TNRC6C: variants seen among roughly 807,000 people sequenced by gnomAD.
TNRC6C encodes trinucleotide repeat containing adaptor 6C.
A neutral mutation model predicts 153.7 loss-of-function variants in TNRC6C; 20 were observed. The observed-to-expected ratio is 0.13, with a 90% CI of 0.09 to 0.19. The LOEUF is 0.19. Ranked by LOEUF, TNRC6C falls within the 10% of genes least tolerant of loss-of-function variation. TNRC6C has a pLI of 1.00. For missense variants in TNRC6C, 1,987 were observed against 2,172.0 expected, an observed-to-expected ratio of 0.91 and a Z score of 1.69; for synonymous variants, 811 against 841.4, an observed-to-expected ratio of 0.96 and a Z score of 0.63.
rs367657489 is a variant in TNRC6C, at chr17:78,078,278, G to A, written c.3210+944G>A. ...TTCACAGCTGTTAGCTTTGCAGAAG[G>A]GGTTCTCTCCCAGTGCCTCTCAGGC... On this transcript the variant is annotated intron_variant, in intron 9 of 19. Coordinates refer to ENST00000301624, the Ensembl canonical transcript of TNRC6C. Among the ~76,000 whole-genome samples the A allele has an allele frequency of 3.3e-5, 5 of 152,186 alleles. No individual in the cohort carries two copies. The East Asian group carries it at 9.6e-4, about 29-fold the overall frequency.
At chr17:77,972,497 G>A (rs539268369) in intron 1 of TNRC6C, among the ~76,000 whole-genome samples, 2 of 150,710 alleles carry the variant, frequency 1.3e-5, no homozygotes, top group South Asian at 4.2e-4. Flanking sequence ...GGAAGACAGA[G>A]CAAGACTCTG....
chr17:78,067,357 C>G (rs1301973102), intron 4 of TNRC6C, among the ~76,000 whole-genome samples: 1 of 152,010 alleles, frequency 6.6e-6, no homozygotes, highest in Non-Finnish European at 1.5e-5. Flanking sequence ...AAGAAAAAAA[C>G]CTACAAATTT....
At chr17:78,069,998 T>C (rs2072961036) in intron 5 of TNRC6C, among the ~76,000 whole-genome samples, 1 of 152,244 alleles carries the variant, frequency 6.6e-6, no homozygotes, top group African/African-American at 2.4e-5. Context: ...ATGAAAACTT[T>C]CTTTATACCT....
chr17:78,088,002 G>C (rs1047717167), intron 13 of TNRC6C, among the ~76,000 whole-genome samples: 5 of 152,208 alleles, frequency 3.3e-5, no homozygotes, highest in African/African-American at 9.7e-5. Context: ...AGAGTCTGTA[G>C]ATACAGGACA....
intron 1 of TNRC6C, among the ~76,000 whole-genome samples, chr17:77,991,503 A>T (rs1246055001): frequency 5.9e-5 from 9 of 152,226 alleles, no homozygotes; most frequent in Non-Finnish European, 1.3e-4. Context: ...GAATGTGAAC[A>T]GAAATAATAC....
intron 18 of TNRC6C, 41 bp from the exon 22 acceptor site, chr17:78,103,373 C>G (rs2073632473): frequency 1.9e-6 from 3 of 1,605,936 alleles, no homozygotes; most frequent in Non-Finnish European, 2.6e-6. Flanking sequence ...TGAAAGAAAT[C>G]AGAAGAAAGC....
At chr17:77,984,429 A>G (rs1228962897) in intron 1 of TNRC6C, among the ~76,000 whole-genome samples, 1 of 151,952 alleles carries the variant, frequency 6.6e-6, no homozygotes, top group African/African-American at 2.4e-5. Context: ...TCCAGAGGCT[A>G]AGGTGGGAGG....
intron 19 of TNRC6C, among the ~76,000 whole-genome samples, chr17:78,103,921 CGTA>C (rs1278980905): frequency 6.6e-6 from 1 of 152,206 alleles, no homozygotes. Context: ...CATCTCCAAA[CGTA>C]GTCACATGGG....
At chr17:78,069,018 C>T (rs1230931866) in intron 5 of TNRC6C, among the ~76,000 whole-genome samples, 1 of 151,902 alleles carries the variant, frequency 6.6e-6, no homozygotes, top group African/African-American at 2.4e-5. Context: ...TCAGAGAGGC[C>T]TAACTATGAC....
chr17:78,090,618 C>A (rs780880829), intron 13 of TNRC6C, among the ~76,000 whole-genome samples: 56 of 152,170 alleles, frequency 3.7e-4, no homozygotes, highest in Non-Finnish European at 7.8e-4. Flanking sequence ...TTACTTCAAC[C>A]TTCTTTTCAT....
chr17:77,975,060 AAAT>A (rs1401273333), intron 1 of TNRC6C, among the ~76,000 whole-genome samples: 2 of 152,266 alleles, frequency 1.3e-5, no homozygotes, highest in Non-Finnish European at 2.9e-5. Flanking sequence ...GAGAAAACTT[AAAT>A]ATGATACTGA....
chr17:78,043,481 T>A (rs2072342173), intron 2 of TNRC6C, among the ~76,000 whole-genome samples: 1 of 152,226 alleles, frequency 6.6e-6, no homozygotes, highest in Non-Finnish European at 1.5e-5. Context: ...ATGGGTTACA[T>A]GAGATATTTT....
intron 1 of TNRC6C, among the ~76,000 whole-genome samples, chr17:78,025,060 G>A (rs1318596976): frequency 6.6e-6 from 1 of 152,048 alleles, no homozygotes; most frequent in African/African-American, 2.4e-5. Flanking sequence ...CGAAGTGCTG[G>A]GATTACAGGC....
intron 1 of TNRC6C, among the ~76,000 whole-genome samples, chr17:77,980,974 G>GT (rs1361342248): frequency 2.0e-5 from 3 of 152,078 alleles, no homozygotes; most frequent in African/African-American, 7.2e-5. Context: ...GTTTTGTTAT[G>GT]TTTTTTGGTT....
At chr17:78,038,014 G>C (rs774960614) in intron 2 of TNRC6C, among the ~76,000 whole-genome samples, 12 of 152,160 alleles carry the variant, frequency 7.9e-5, no homozygotes, top group Non-Finnish European at 1.6e-4. Flanking sequence ...GAGAGTTGCA[G>C]ATCACTGAGA....
chr17:78,078,881 A>G (rs1483259013), intron 9 of TNRC6C, among the ~76,000 whole-genome samples: 2 of 152,288 alleles, frequency 1.3e-5, no homozygotes, highest in East Asian at 1.9e-4. Flanking sequence ...TCACAAGGTC[A>G]GGAGTTCAAG....
In TNRC6C at chr17:78,033,445, G is replaced by A. The variant is rs552569643; in HGVS notation, c.-219+1603G>A. Among the ~76,000 whole-genome samples, 14 of 152,256 alleles carry A rather than the reference G, an allele frequency of 9.2e-5. No individual in the cohort carries two copies. In the South Asian group the frequency reaches 2.3e-3, roughly 25 times the overall value. ...AGCACTTTGGGAAGCCAAGGTGGGC[G>A]GATCACCTGAGGTCGAGAGTTCGAG... On this transcript the variant is annotated intron_variant, in intron 2 of 19. Transcript: ENST00000301624.
At chr17:78,052,170 C>T (rs965265413) in intron 3 of TNRC6C, among the ~76,000 whole-genome samples, 1 of 152,226 alleles carries the variant, frequency 6.6e-6, no homozygotes, top group Non-Finnish European at 1.5e-5. Flanking sequence ...GGGCCAAGGC[C>T]ACCTTCTGGG....
At chr17:77,982,194 A>C (rs1047026676) in intron 1 of TNRC6C, among the ~76,000 whole-genome samples, 5 of 152,180 alleles carry the variant, frequency 3.3e-5, no homozygotes, top group African/African-American at 1.2e-4. Flanking sequence ...AGCCTCTAGA[A>C]CTATGAGAAA....
Sources: gnomAD v4.1 joint callset for allele counts (sites outside exome capture counted in the v4.1 genomes callset) on GRCh38, gnomAD v4.1.1 for gene constraint, MANE v1.5 for transcripts, NCBI Gene and HGNC (gene_info 2026-07-23, HGNC 2026-07-21) for gene names.